STPG2: variants seen among roughly 807,000 people sequenced by gnomAD.
The protein encoded by STPG2 is sperm tail PG-rich repeat containing 2.
Under a neutral mutation model 54.2 loss-of-function variants are expected in STPG2, and 56 were observed. The observed-to-expected ratio is 1.03, with a 90% CI of 0.83 to 1.29. The LOEUF (loss-of-function observed/expected upper bound fraction) is 1.29. Ranked by LOEUF, STPG2 falls within the 50% of genes most tolerant of loss-of-function variation. The pLI is 0.00. For missense variants in STPG2, 596 were observed against 544.9 expected (o/e 1.09, Z -0.93); for synonymous variants, 200 against 181.8 (o/e 1.10, Z -0.81).
chr4:98,039,808 A>G (rs1007851854), intron 5 of STPG2, among the ~76,000 whole-genome samples: 1 of 151,576 alleles, frequency 6.6e-6, no homozygotes, highest in Non-Finnish European at 1.5e-5. Flanking sequence ...TCTTTTTTAT[A>G]TATGATGTAT....
At chr4:97,680,609 A>C (rs572675911) in intron 10 of STPG2, among the ~76,000 whole-genome samples, 2 of 152,192 alleles carry the variant, frequency 1.3e-5, no homozygotes, top group African/African-American at 4.8e-5. Context: ...TTCCTAATTG[A>C]ATACCCTTTA....
intron 6 of STPG2, among the ~76,000 whole-genome samples, chr4:97,974,253 G>A (rs943164945): frequency 3.3e-5 from 5 of 152,172 alleles, no homozygotes; most frequent in African/African-American, 1.2e-4. Context: ...CACTTGGAAT[G>A]GGTGTGTTTA....
intron 4 of STPG2, among the ~76,000 whole-genome samples, chr4:97,514,792 A>G (rs1731041277): frequency 6.6e-6 from 1 of 151,996 alleles, no homozygotes; most frequent in Admixed American, 6.6e-5. Flanking sequence ...GAACTCATAT[A>G]CACAGTCAAG....
chr4:97,749,367 C>G (rs914185379), intron 9 of STPG2, among the ~76,000 whole-genome samples: 2 of 151,658 alleles, frequency 1.3e-5, no homozygotes, highest in Admixed American at 6.6e-5. Context: ...TTCACTCACC[C>G]ATTATTCACT....
intron 4 of STPG2, among the ~76,000 whole-genome samples, chr4:97,446,189 T>A (rs1729217780): frequency 6.6e-6 from 1 of 152,134 alleles, no homozygotes; most frequent in South Asian, 2.1e-4. Flanking sequence ...AAAAGATAGG[T>A]TAATTAAAAA....
chr4:97,688,335 T>A (rs1220526681), intron 10 of STPG2, among the ~76,000 whole-genome samples: 1 of 151,756 alleles, frequency 6.6e-6, no homozygotes, highest in Non-Finnish European at 1.5e-5. Flanking sequence ...CAATTCAGAG[T>A]TTTTTGAAAA....
At chr4:98,044,387 G>C (rs377743322) in intron 5 of STPG2, among the ~76,000 whole-genome samples, 1 of 152,092 alleles carries the variant, frequency 6.6e-6, no homozygotes, top group Non-Finnish European at 1.5e-5. Context: ...CTGGATAAGC[G>C]AAGTGCCACT....
At chr4:97,760,942 C>T (rs1725872229) in intron 9 of STPG2, among the ~76,000 whole-genome samples, 2 of 152,122 alleles carry the variant, frequency 1.3e-5, no homozygotes, top group African/African-American at 4.8e-5. Context: ...GGGCTACTGG[C>T]CCCCATCAGT....
chr4:97,585,643 T>G (rs1911793), intron 10 of STPG2, among the ~76,000 whole-genome samples: 127,570 of 151,854 alleles, frequency 0.84, 54,103 homozygotes, highest in African/African-American at 0.96. Context: ...TCATATGTTT[T>G]AGGTTCCCCT....
intron 8 of STPG2, among the ~76,000 whole-genome samples, chr4:97,882,109 A>T (rs1371069991): frequency 6.6e-6 from 1 of 152,124 alleles, no homozygotes; most frequent in Non-Finnish European, 1.5e-5. Flanking sequence ...AACACCACAT[A>T]AGCTGGTATG....
At chr4:98,076,423 A>G (rs1007348202) in intron 5 of STPG2, among the ~76,000 whole-genome samples, 5 of 152,216 alleles carry the variant, frequency 3.3e-5, no homozygotes, top group Non-Finnish European at 5.9e-5. Context: ...TTTAATCACA[A>G]TTGAAAATAT....
chr4:97,867,189 C>T (rs1233275691), intron 8 of STPG2, among the ~76,000 whole-genome samples: 1 of 151,856 alleles, frequency 6.6e-6, no homozygotes, highest in Admixed American at 6.6e-5. Flanking sequence ...TTATTTTCTC[C>T]TCAACTGTTG....
chr4:98,110,183 C>A (rs144361409), intron 3 of STPG2, among the ~76,000 whole-genome samples: 300 of 151,900 alleles, frequency 2.0e-3, no homozygotes, highest in African/African-American at 7.1e-3. Context: ...AGAGCCCCCC[C>A]AGCCAAGAAT....
chr4:97,464,240 T>TA (rs967559688), intron 4 of STPG2, among the ~76,000 whole-genome samples: 3 of 152,150 alleles, frequency 2.0e-5, no homozygotes, highest in Non-Finnish European at 4.4e-5. Flanking sequence ...AATACAACAG[T>TA]AAAAAATGAC....
chr4:98,088,332 C>A (rs1473561235), intron 5 of STPG2, among the ~76,000 whole-genome samples: 1 of 152,096 alleles, frequency 6.6e-6, no homozygotes, highest in Non-Finnish European at 1.5e-5. Context: ...CTTTTTAAAC[C>A]TTAGAGATTT....
chr4:97,906,950 C>A (rs1342609615), intron 8 of STPG2, among the ~76,000 whole-genome samples: 1 of 150,806 alleles, frequency 6.6e-6, no homozygotes, highest in Non-Finnish European at 1.5e-5. Flanking sequence ...CCTTTGAAAA[C>A]TGGCACAAGA....
At chr4:98,029,734 C>G (rs72882660) in intron 5 of STPG2, among the ~76,000 whole-genome samples, 2 of 152,100 alleles carry the variant, frequency 1.3e-5, no homozygotes, top group Non-Finnish European at 2.9e-5. Flanking sequence ...CAGTTTGCAA[C>G]GAACACTTCA....
chr4:97,784,706 TACA>T (rs1434074773), intron 9 of STPG2, among the ~76,000 whole-genome samples: 7 of 1,204 alleles, frequency 5.8e-3, no homozygotes, highest in African/African-American at 0.025. Context: ...ACTATAGTAT[TACA>T]AAGAAAAAAA....
In STPG2 at chr4:97,679,310, T is replaced by C. The variant is rs112840509; in HGVS notation, c.1320+33389A>G. Among the ~76,000 whole-genome samples the C allele has an allele frequency of 5.0e-3, 764 of 151,968 alleles. 4 individuals carry two copies. Among genetic ancestry groups the C allele is most frequent in the Middle Eastern group, 0.02 (6 of 294 alleles). On this transcript the variant is annotated intron_variant, in intron 10 of 10. Transcript: ENST00000295268. ...CTGTTGTTTCCTGACTTTTTAATGA[T>C]TGCCATTCTAACTGGTGTGAGATGG...
Sources: allele counts gnomAD v4.1 joint callset (sites outside exome capture counted in the v4.1 genomes callset), GRCh38; gene constraint gnomAD v4.1.1; transcripts MANE v1.5; gene names NCBI Gene and HGNC (gene_info 2026-07-23, HGNC 2026-07-21).